Variants in GGA3 observed in about 807,000 individuals in gnomAD.
GGA3 encodes golgi associated, gamma adaptin ear containing, ARF binding protein 3.
A neutral mutation model predicts 77.5 loss-of-function variants in GGA3; 57 were observed. The ratio of observed to expected loss-of-function variants is 0.74; its 90% CI spans 0.59 to 0.92. The LOEUF is 0.92. Ranked by LOEUF, GGA3 falls within the 40% of genes least tolerant of loss-of-function variation. The probability of loss-of-function intolerance (pLI) is 0.00; values close to 1 mark genes in which losing one functional copy is unlikely to be tolerated. For synonymous variants in GGA3, 416 were observed against 383.7 expected (o/e 1.08, Z -0.98); for missense variants, 970 against 914.9 (o/e 1.06, Z -0.78).
intron 1 of GGA3, among the ~76,000 whole-genome samples, chr17:75,254,451 G>A (rs1035104034): frequency 6.6e-6 from 1 of 152,066 alleles, no homozygotes; most frequent in African/African-American, 2.4e-5. Context: ...AATCAGAAGC[G>A]TTTAGGCTCT....
chr17:75,248,933 A>G (rs1367885665), intron 1 of GGA3: 3 of 985,104 alleles, frequency 3.0e-6, no homozygotes, highest in Non-Finnish European at 3.6e-6. Flanking sequence ...AGGCAGAGGG[A>G]AGGCCCGTGG....
In GGA3 at chr17:75,237,928, AC is replaced by A; in HGVS notation, c.*350del. 1.5e-5 allele frequency: 5 copies of A among 331,496 alleles called. No individual in the cohort carries two copies. Among genetic ancestry groups the A allele is most frequent in the Admixed American group, 1.0e-4 (1 of 9,840 alleles). The allele number at this position is 331,496 out of a possible 1,614,324, so 20.5% of individuals were successfully genotyped here. The stretch of plus-strand genomic sequence containing the variant: ...CTCTCTTTAGAGACTCCCACCCCCC[AC>A]CCCCCACCCCAGTGGCTTCAGTGAA... On this transcript the variant is annotated 3_prime_UTR_variant, in exon 17 of 17. Coordinates refer to ENST00000537686, the MANE Select transcript of GGA3 (RefSeq NM_138619.4).
At position 75,254,909 on chromosome 17, in the gene GGA3, G is replaced by A. The variant is rs540654997; in HGVS notation, c.40+6639C>T. 2.6e-5 allele frequency among the ~76,000 whole-genome samples: 4 copies of A among 152,162 alleles called. No homozygotes were observed. In the East Asian group the frequency reaches 7.7e-4, roughly 29 times the overall value. On this transcript the variant is annotated intron_variant, in intron 1 of 16. Coordinates refer to ENST00000537686, the MANE Select transcript of GGA3 (RefSeq NM_138619.4). ...GCCCGCAGCCCGGGATTCCTCCTAA[G>A]CGAGTCCCATCTGTGTGGGACCCCA...
chr17:75,251,706 C>CAAAAA (rs35924573), intron 1 of GGA3, among the ~76,000 whole-genome samples: 5 of 68,230 alleles, frequency 7.3e-5, no homozygotes, highest in Admixed American at 1.9e-4. Context: ...GACTCCTTCT[C>CAAAAA]AAAAAAAAAA....
intron 1 of GGA3, among the ~76,000 whole-genome samples, chr17:75,251,096 A>G (rs1443832698): frequency 2.6e-5 from 4 of 151,992 alleles, no homozygotes; most frequent in South Asian, 2.1e-4. Flanking sequence ...AGAAAAATCT[A>G]CGTAACAAAT....
At chr17:75,251,380 A>G (rs1375056419) in intron 1 of GGA3, among the ~76,000 whole-genome samples, 2 of 151,974 alleles carry the variant, frequency 1.3e-5, no homozygotes, top group African/African-American at 4.8e-5. Context: ...GACAGTAGAT[A>G]ATTGGGCTAA....
At chr17:75,244,451 G>C in intron 4 of GGA3, 168 bp downstream of exon 4, 1 of 630,304 alleles carries the variant, frequency 1.6e-6, no homozygotes, top group Non-Finnish European at 2.9e-6. Flanking sequence ...CGGTCCCTGT[G>C]GCCTGTTTGG....
At position 75,240,077 on chromosome 17, in the gene GGA3, G is replaced by A. The variant is rs1226446006; in HGVS notation, c.1295C>T (p.Pro432Leu). The A allele has an allele frequency of 2.6e-6, 4 of 1,551,090 alleles. No homozygotes were observed. Among genetic ancestry groups the A allele is most frequent in the Non-Finnish European group, 3.5e-6 (4 of 1,148,360 alleles). The change falls in exon 13 of 17, where the codon CCC becomes CTC. Residue 432 changes from proline (P) to leucine (L), a missense_variant. Pro to Leu is a moderately conservative substitution (Grantham distance 98). Transcript: ENST00000537686. ...GCCACAGGCAGCGGTCCCCGGCCTG[G>A]GGCTGAAGAAGTCCAGGTCGGACTG... is the stretch of plus-strand genomic sequence containing the variant. ...REQSDLDFFS[P>L]RPGTAACGAS...
chr17:75,244,778 T>TGGCAAGATCCCTGGCACC, intron 3 of GGA3, 61 bp from the exon 4 acceptor site: 1 of 1,065,272 alleles, frequency 9.4e-7, no homozygotes. Flanking sequence ...AACCTGGCAC[T>TGGCAAGATCCCTGGCACC]GGCAAGATCC....
At chr17:75,257,286 C>CG (rs1491394168) in intron 1 of GGA3, among the ~76,000 whole-genome samples, 667 of 66,380 alleles carry the variant, frequency 0.01, 19 homozygotes, top group East Asian at 0.051. Context: ...GTGCCCCCCC[C>CG]CCCAAAAAAA....
intron 11 of GGA3, 165 bp from the exon 12 acceptor site, chr17:75,240,577 C>T: frequency 1.5e-6 from 1 of 658,616 alleles, no homozygotes; most frequent in Non-Finnish European, 2.6e-6. Context: ...CGCTCCAGTC[C>T]ATGATGCAGA....
At chr17:75,238,493 C>T (rs766669983) in intron 16 of GGA3, 104 bp from the exon 17 acceptor site, 20 of 1,093,972 alleles carry the variant, frequency 1.8e-5, no homozygotes, top group South Asian at 7.1e-5. Flanking sequence ...CCCTTTTCCC[C>T]GCAACCCCCA....
chr17:75,260,135 C>T (rs1426487955), intron 1 of GGA3, among the ~76,000 whole-genome samples: 3 of 152,134 alleles, frequency 2.0e-5, no homozygotes, highest in Admixed American at 2.0e-4. Flanking sequence ...GACAACAGCG[C>T]GCGAGACTCT....
At chr17:75,244,448 T>C (rs767387667) in intron 4 of GGA3, 171 bp downstream of exon 4, 98 of 623,156 alleles carry the variant, frequency 1.6e-4, no homozygotes, top group Admixed American at 6.9e-4. Flanking sequence ...TGCCGGTCCC[T>C]GTGGCCTGTT....
In GGA3 at chr17:75,239,794, G is replaced by A; in HGVS notation, c.1578C>T (p.Ala526=). 10 of 1,613,396 alleles carry A rather than the reference G, an allele frequency of 6.2e-6. No individual in the cohort carries two copies. The highest frequency in any genetic ancestry group is 1.1e-5 in the South Asian group (1 of 91,074). ...CATCTCCTCCCACTCATTACACTTT[G>A]GCCTCTTCTAGAAGCTGATCGAGGG... The part of the protein sequence containing the change: ...LDALDQLLEE[A]KVTSGLVKPT... Residue 526 remains alanine, a synonymous_variant, in exon 13 of 17, where the codon GCC becomes GCT. Coordinates refer to ENST00000537686, the MANE Select transcript of GGA3 (RefSeq NM_138619.4).
chr17:75,238,006 C>T lies in GGA3; in HGVS notation c.*273G>A, dbSNP rs750734228. On this transcript the variant is annotated 3_prime_UTR_variant, in exon 17 of 17. Transcript: ENST00000537686. ...CGCCAAGCCTGGGGGTCCATGTTCC[C>T]GGGACAGCAGTGAAGTCAGGGGCCA... 2.3e-5 allele frequency: 28 copies of T among 1,240,582 alleles called. No homozygotes were observed. The highest frequency in any genetic ancestry group is 8.1e-5 in the Admixed American group (2 of 24,824). 76.8% of individuals were successfully genotyped at this position (1,240,582 alleles called of 1,614,324 possible).
chr17:75,237,861 G>A lies in GGA3; in HGVS notation c.*418C>T, dbSNP rs1433055683. On this transcript the variant is annotated 3_prime_UTR_variant, in exon 17 of 17. Coordinates refer to ENST00000537686, the MANE Select transcript of GGA3 (RefSeq NM_138619.4). The stretch of plus-strand genomic sequence containing the variant: ...AGCCCCTTGGGCCGTGCATCTGTCA[G>A]GTGTGAGGATGTGGCTCTTGTGGGG... 3.6e-6 allele frequency: 5 copies of A among 1,401,928 alleles called. No homozygotes were observed. Among genetic ancestry groups the A allele is most frequent in the South Asian group, 3.3e-5 (2 of 59,850 alleles). The allele number at this position is 1,401,928 out of a possible 1,614,324, so 86.8% of individuals were successfully genotyped here. A position where few individuals can be genotyped will look rare whatever the true frequency, so the allele number is the denominator to read the frequency against.
rs1376822475 is a variant in GGA3, at chr17:75,237,428, A to C, written c.*851T>G. On this transcript the variant is annotated 3_prime_UTR_variant, in exon 17 of 17. Transcript: ENST00000537686. ...GGATGTAGAGTGGCGGTAGATTCCA[A>C]GGGGAGGATAGCAGTTTATTTCATG... is the stretch of plus-strand genomic sequence containing the variant. 6.8e-6 allele frequency: 10 copies of C among 1,477,328 alleles called. No homozygotes were observed. The East Asian group carries it at 2.5e-4, about 36-fold the overall frequency. The allele number at this position is 1,477,328 out of a possible 1,614,324, so 91.5% of individuals were successfully genotyped here. A position where few individuals can be genotyped will look rare whatever the true frequency, so the allele number is the denominator to read the frequency against.
At chr17:75,262,161 T>C (rs2077411193), upstream of GGA3, 1 of 758,772 alleles carries the variant, frequency 1.3e-6, no homozygotes, top group East Asian at 2.7e-5. Flanking sequence ...ACCTCTCGCC[T>C]AAGGAGTCTG....
Sources: gnomAD v4.1 joint callset for allele counts (sites outside exome capture counted in the v4.1 genomes callset) on GRCh38, gnomAD v4.1.1 for gene constraint, MANE v1.5 for transcripts, NCBI Gene and HGNC (gene_info 2026-07-23, HGNC 2026-07-21) for gene names.